The following SYT1 variants were observed in gnomAD, a reference collection of about 807,000 sequenced individuals.
SYT1 encodes the protein synaptotagmin-1.
Under a neutral mutation model 44.8 loss-of-function variants are expected in SYT1, and 8 were observed. The ratio of observed to expected loss-of-function variants is 0.18; its 90% CI spans 0.10 to 0.32. SYT1 has a LOEUF of 0.32. Ranked by LOEUF, SYT1 falls within the 10% of genes least tolerant of loss-of-function variation. The pLI is 1.00. For synonymous variants in SYT1, 154 were observed against 188.8 expected (o/e 0.82, Z 1.51); for missense variants, 286 against 509.3 (o/e 0.56, Z 4.22).
chr12:78,961,421 TAAA>T (rs1879496714), intron 1 of SYT1, among the ~76,000 whole-genome samples: 1 of 152,092 alleles, frequency 6.6e-6, no homozygotes, highest in African/African-American at 2.4e-5. Context: ...TTCCACACTT[TAAA>T]TAGTTCTTAC....
At chr12:79,448,813 A>AGAT in intron 10 of SYT1, 105 bp from the exon 11 acceptor site, 1 of 967,596 alleles carries the variant, frequency 1.0e-6, no homozygotes, top group East Asian at 2.4e-5. Flanking sequence ...TAGTGCTTGG[A>AGAT]GATTGATTCT....
intron 9 of SYT1, among the ~76,000 whole-genome samples, chr12:79,404,662 C>T (rs901062829): frequency 7.2e-5 from 11 of 152,140 alleles, no homozygotes; most frequent in Admixed American, 7.2e-4. Flanking sequence ...TTGCGACTTG[C>T]GTAGCGTAGG....
In SYT1 at chr12:78,874,414, G is replaced by A. The variant is rs1232605240; in HGVS notation, c.-217+9305G>A. On this transcript the variant is annotated intron_variant, in intron 1 of 10. Transcript: ENST00000261205. ...TCCACTTTATAGGTTAGGTCAATAT[G>A]AGCATGATGGCAATAGGATAAAAGT... Among the ~76,000 whole-genome samples the A allele has an allele frequency of 5.9e-5, 9 of 151,656 alleles. No individual in the cohort carries two copies. In the East Asian group the frequency reaches 1.8e-3, roughly 30 times the overall value.
At chr12:79,106,142 C>A (rs1179787431) in intron 3 of SYT1, among the ~76,000 whole-genome samples, 1 of 152,138 alleles carries the variant, frequency 6.6e-6, no homozygotes, top group African/African-American at 2.4e-5. Context: ...GTTGGAAATG[C>A]AAAAGTAAAC....
At chr12:79,005,606 T>G (rs1487110508) in intron 2 of SYT1, among the ~76,000 whole-genome samples, 2 of 152,204 alleles carry the variant, frequency 1.3e-5, no homozygotes, top group East Asian at 3.9e-4. Context: ...GCATATATAA[T>G]AGCATTATTA....
intron 9 of SYT1, among the ~76,000 whole-genome samples, chr12:79,363,107 C>G (rs2136028979): frequency 6.6e-6 from 1 of 152,134 alleles, no homozygotes; most frequent in South Asian, 2.1e-4. Context: ...CACTTCTATT[C>G]CCTTCTCTTC....
chr12:79,414,365 GTA>G (rs955034476), intron 9 of SYT1, among the ~76,000 whole-genome samples: 1 of 152,150 alleles, frequency 6.6e-6, no homozygotes, highest in African/African-American at 2.4e-5. Flanking sequence ...TTGTGTGTGT[GTA>G]TGTGTGTGTG....
At chr12:79,421,696 G>T (rs547827284) in intron 9 of SYT1, among the ~76,000 whole-genome samples, 1 of 148,346 alleles carries the variant, frequency 6.7e-6, no homozygotes. Flanking sequence ...CACTTTTTTT[G>T]TTTTTTTGTT....
In SYT1 at chr12:79,422,673, G is replaced by A. The variant is rs188477516; in HGVS notation, c.929-21400G>A. On this transcript the variant is annotated intron_variant, in intron 9 of 10. Coordinates refer to ENST00000261205, the MANE Select transcript of SYT1 (RefSeq NM_005639.3). ...CTGGGCTCTGCACTTTTGGTTGCTC[G>A]TGCTCTCTCTCTCTCTCTCTCTGGG... 1.1e-3 allele frequency among the ~76,000 whole-genome samples: 167 copies of A among 151,436 alleles called. 1 individual carries two copies. The highest frequency in any genetic ancestry group is 3.8e-3 in the African/African-American group (158 of 41,368).
At chr12:79,105,677 G>A (rs1002613394) in intron 3 of SYT1, among the ~76,000 whole-genome samples, 3 of 152,068 alleles carry the variant, frequency 2.0e-5, no homozygotes, top group Admixed American at 6.6e-5. Context: ...TCAGGAGATC[G>A]AGACCATCCT....
intron 1 of SYT1, among the ~76,000 whole-genome samples, chr12:78,903,483 C>T (rs947185849): frequency 9.9e-5 from 15 of 151,992 alleles, no homozygotes; most frequent in African/African-American, 3.6e-4. Flanking sequence ...GATGGGTTTT[C>T]GCCATGTTGG....
chr12:79,034,397 AAT>A (rs1442862455), intron 2 of SYT1, among the ~76,000 whole-genome samples: 2 of 151,626 alleles, frequency 1.3e-5, no homozygotes, highest in East Asian at 3.9e-4. Flanking sequence ...AGTAGTAAGG[AAT>A]GTCTAAAAAA....
At chr12:79,319,546 C>T (rs1881256336) in intron 8 of SYT1, among the ~76,000 whole-genome samples, 1 of 152,142 alleles carries the variant, frequency 6.6e-6, no homozygotes, top group Admixed American at 6.5e-5. Context: ...GTCTGCAATA[C>T]ATACACTCCA....
At chr12:79,129,940 G>A (rs1868698654) in intron 3 of SYT1, among the ~76,000 whole-genome samples, 1 of 152,094 alleles carries the variant, frequency 6.6e-6, no homozygotes, top group South Asian at 2.1e-4. Context: ...AAATGGTAAA[G>A]ACCTCTGCAA....
intron 8 of SYT1, among the ~76,000 whole-genome samples, chr12:79,331,030 G>T (rs945912971): frequency 1.3e-5 from 2 of 152,068 alleles, no homozygotes; most frequent in Non-Finnish European, 2.9e-5. Context: ...ATTTCTTAGT[G>T]ACCCCAGGAA....
At chr12:79,107,026 T>C (rs1016106670) in intron 3 of SYT1, among the ~76,000 whole-genome samples, 11 of 152,012 alleles carry the variant, frequency 7.2e-5, no homozygotes, top group African/African-American at 2.7e-4. Flanking sequence ...ATGAGCATGC[T>C]TATCTATATA....
chr12:79,179,249 G>GATATATCT lies in SYT1; in HGVS notation c.-17-38249_-17-38248insTCTATATA, dbSNP rs1471612050. Reference sequence around the variant, plus strand: ...ATATAGATATAGATATATAGATATAGATATAGATATAGATATATAGATATA... The same window carrying GATATATCT: ...ATATAGATATAGATATATAGATATAGATATATCTATATAGATATAGATATATAGATATA... On this transcript the variant is annotated intron_variant, in intron 3 of 10. Coordinates refer to ENST00000261205, the MANE Select transcript of SYT1 (RefSeq NM_005639.3). Among the ~76,000 whole-genome samples, 58 of 71,810 alleles carry GATATATCT rather than the reference G, an allele frequency of 8.1e-4. 5 individuals carry two copies. Among genetic ancestry groups the GATATATCT allele is most frequent in the Non-Finnish European group, 1.0e-3 (43 of 41,006 alleles). The allele number at this position is 71,810 out of a possible 152,430, so 47.1% of individuals were successfully genotyped here.
chr12:79,209,538 G>A (rs1488432166), intron 3 of SYT1, among the ~76,000 whole-genome samples: 2 of 152,154 alleles, frequency 1.3e-5, no homozygotes, highest in African/African-American at 2.4e-5. Context: ...GAACTAAATC[G>A]AGGCCAGCAT....
chr12:79,070,686 A>G (rs1281559766), intron 3 of SYT1, among the ~76,000 whole-genome samples: 3 of 152,104 alleles, frequency 2.0e-5, no homozygotes, highest in Non-Finnish European at 4.4e-5. Flanking sequence ...ACACTTGAAC[A>G]TAAACACGGG....
Sources: gnomAD v4.1 joint callset for allele counts (sites outside exome capture counted in the v4.1 genomes callset) on GRCh38, gnomAD v4.1.1 for gene constraint, MANE v1.5 for transcripts, NCBI Gene and HGNC (gene_info 2026-07-23, HGNC 2026-07-21) for gene names.